Variants in TMEM150B observed in about 807,000 individuals in gnomAD.
The protein encoded by TMEM150B is transmembrane protein 150B.
A neutral mutation model predicts 25.2 loss-of-function variants in TMEM150B; 33 were observed. The ratio of observed to expected loss-of-function variants is 1.31; its 90% CI spans 0.99 to 1.75. The LOEUF (loss-of-function observed/expected upper bound fraction) is 1.75, where lower values mean the gene tolerates loss of function less well. Among genes scored for constraint, TMEM150B ranks in the 40% most tolerant of loss-of-function variants. The pLI is 0.00. For synonymous variants in TMEM150B, 133 were observed against 134.8 expected, an observed-to-expected ratio of 0.99 and a Z score of 0.09; for missense variants, 322 against 306.1, an observed-to-expected ratio of 1.05 and a Z score of -0.39.
At chr19:55,325,035 A>T (rs1005835439) in intron 1 of TMEM150B, among the ~76,000 whole-genome samples, 6 of 152,110 alleles carry the variant, frequency 3.9e-5, no homozygotes, top group Admixed American at 3.9e-4. Flanking sequence ...GCTGATTCCC[A>T]CTTCTCTTCC....
At position 55,319,433 on chromosome 19, in the gene TMEM150B, C is replaced by CCTT. The variant is rs2089122504; in HGVS notation, c.324+605_324+606insAAG. 7.0e-4 allele frequency: 33 copies of CCTT among 46,838 alleles called. 1 individual carries two copies. Among genetic ancestry groups the CCTT allele is most frequent in the Admixed American group, 7.0e-4 (2 of 2,876 alleles). 2.9% of individuals were successfully genotyped at this position (46,838 alleles called of 1,614,324 possible). ...CGGCCAGTAATTTCATCTTCTTCTT[C>CCTT]TTTTTTTTTTTTTTTTTTTTTTTTT... On this transcript the variant is annotated intron_variant, in intron 6 of 7. Coordinates refer to ENST00000326652, the MANE Select transcript of TMEM150B (RefSeq NM_001282011.2).
At chr19:55,315,213 G>C (rs2088955799) in intron 7 of TMEM150B, among the ~76,000 whole-genome samples, 1 of 152,086 alleles carries the variant, frequency 6.6e-6, no homozygotes, top group East Asian at 1.9e-4. Context: ...CTACTTGGGA[G>C]GCTGAGGCAC....
downstream of TMEM150B, chr19:55,312,022 C>G (rs201200452): frequency 6.6e-6 from 10 of 1,509,974 alleles, no homozygotes; most frequent in Non-Finnish European, 8.9e-6. Context: ...CGAGGCCCCC[C>G]CAAGGACAAG....
chr19:55,313,317 G>T (rs1009818709), intron 7 of TMEM150B, among the ~76,000 whole-genome samples: 15 of 152,016 alleles, frequency 9.9e-5, no homozygotes, highest in African/African-American at 3.6e-4. Flanking sequence ...AAATGTTTCT[G>T]TCTCCCTTCC....
chr19:55,312,255 C>T (rs2088818724), downstream of TMEM150B: 3 of 218,710 alleles, frequency 1.4e-5, no homozygotes, highest in African/African-American at 2.8e-5. Context: ...GAACAGGGGG[C>T]GGGGGAGCTG....
At chr19:55,309,939 T>C (rs2088745396), downstream of TMEM150B, among the ~76,000 whole-genome samples, 1 of 152,128 alleles carries the variant, frequency 6.6e-6, no homozygotes. Flanking sequence ...AGCATCAGCC[T>C]CACAGGACCC....
rs776897518 is a variant in TMEM150B, at chr19:55,320,971, G to T, written c.66C>A (p.Ile22=). The change falls in exon 3 of 8, where the codon ATC becomes ATA. Residue 22 remains isoleucine (I), a splice_region_variant and synonymous_variant. Transcript: ENST00000326652. The part of the protein sequence containing the change: ...LAVWAISGVW[I]VFAIAVTNRT... ...TCCATCATGCCTCTGACACTCACAC[G>T]ATCCAGACGCCAGAGATAGCCCAGA... The T allele has an allele frequency of 8.1e-6, 13 of 1,613,490 alleles. No individual in the cohort carries two copies. In the Admixed American group the frequency reaches 2.2e-4, roughly 27 times the overall value.
intron 2 of TMEM150B, 67 bp downstream of exon 2, chr19:55,322,581 G>T: frequency 1.3e-6 from 1 of 741,318 alleles, no homozygotes; most frequent in Non-Finnish European, 1.6e-6. Context: ...TGCTTGGGGA[G>T]TTTCTCCCTG....
intron 7 of TMEM150B, among the ~76,000 whole-genome samples, chr19:55,315,747 C>T (rs1312574254): frequency 1.6e-4 from 23 of 142,824 alleles, no homozygotes; most frequent in South Asian, 8.8e-4. Context: ...GGTGACAGAG[C>T]GAGACTCCGT....
At chr19:55,313,545 ATC>A (rs2088886976) in intron 7 of TMEM150B, among the ~76,000 whole-genome samples, 1 of 151,764 alleles carries the variant, frequency 6.6e-6, no homozygotes, top group African/African-American at 2.4e-5. Context: ...TCCCTGTAAA[ATC>A]TGTTTCTCTG....
intron 7 of TMEM150B, among the ~76,000 whole-genome samples, chr19:55,315,862 G>A (rs556759715): frequency 1.4e-4 from 22 of 152,256 alleles, no homozygotes; most frequent in African/African-American, 3.9e-4. Flanking sequence ...CCCGGGAGGC[G>A]GAGGTTGCAG....
intron 6 of TMEM150B, chr19:55,319,463 T>TGA: frequency 8.6e-6 from 1 of 116,640 alleles, no homozygotes; most frequent in African/African-American, 3.9e-5. Flanking sequence ...TTTTTTTTTT[T>TGA]GAGAGAAGTC....
Position 55,320,451 on chromosome 19 carries a change from C to A in TMEM150B, c.136G>T (p.Gly46Ter). 6.3e-7 allele frequency: 1 copy of A among 1,592,362 alleles called. No individual in the cohort carries two copies. The highest frequency in any genetic ancestry group is 1.7e-4 in the Middle Eastern group (1 of 5,926). ...ATGCAGCTCTGAGGGGGGAAGGATCCGCAGATGCTGGGGAAGACAAAGGGG... is the reference window on the plus strand; with the variant it reads ...ATGCAGCTCTGAGGGGGGAAGGATCAGCAGATGCTGGGGAAGACAAAGGGG... Reference protein sequence around the residue: ...SKGFPYISICGSFPPQSCIFS... With the variant: ...SKGFPYISIC The change falls in exon 5 of 8, where the codon GGA becomes TGA. Residue 46 changes from glycine (G) to a stop codon, truncating the protein, a stop_gained. Coordinates refer to ENST00000326652, the MANE Select transcript of TMEM150B (RefSeq NM_001282011.2). LOFTEE classifies it high-confidence loss of function.
chr19:55,309,755 G>A (rs2088739861), downstream of TMEM150B, among the ~76,000 whole-genome samples: 1 of 152,220 alleles, frequency 6.6e-6, no homozygotes, highest in Non-Finnish European at 1.5e-5. Context: ...GAGAGCATAA[G>A]GGGCACTCGC....
intron 7 of TMEM150B, among the ~76,000 whole-genome samples, chr19:55,314,827 C>A (rs1457893004): frequency 1.3e-5 from 2 of 152,202 alleles, no homozygotes; most frequent in Non-Finnish European, 2.9e-5. Flanking sequence ...GAAATACGAT[C>A]ACCATTTCCA....
At chr19:55,321,728 G>A (rs1358057790) in intron 2 of TMEM150B, among the ~76,000 whole-genome samples, 3 of 152,050 alleles carry the variant, frequency 2.0e-5, no homozygotes, top group Non-Finnish European at 4.4e-5. Flanking sequence ...CCAGAATTCC[G>A]GGGCCCCAGT....
rs7256064 is a variant in TMEM150B at position 55,321,756 on chromosome 19, T to C, written c.-57-663A>G. 9.0e-3 allele frequency among the ~76,000 whole-genome samples: 1,371 copies of C among 152,182 alleles called. 26 individuals are homozygous for C. The highest frequency in any genetic ancestry group is 0.031 in the African/African-American group (1,282 of 41,528). Reference sequence around the variant, plus strand: ...GCCCCAGTTCCTCCTAGAATACAGATATTCTTCTCCAGCTCCTGATGTCCA... The same window carrying C: ...GCCCCAGTTCCTCCTAGAATACAGACATTCTTCTCCAGCTCCTGATGTCCA... On this transcript the variant is annotated intron_variant, in intron 2 of 7. Transcript: ENST00000326652.
At chr19:55,311,796 A>C, downstream of TMEM150B, 4 of 1,086,580 alleles carry the variant, frequency 3.7e-6, no homozygotes, top group Non-Finnish European at 5.3e-6. Context: ...GATTGGAGCT[A>C]GAGCCTCGGG....
At chr19:55,324,777 C>G in intron 1 of TMEM150B, 3 of 985,496 alleles carry the variant, frequency 3.0e-6, no homozygotes, top group Non-Finnish European at 3.6e-6. Context: ...CTCTGGGTCT[C>G]GTCTTCCTCC....
Sources: gnomAD v4.1 joint callset for allele counts (sites outside exome capture counted in the v4.1 genomes callset) on GRCh38, gnomAD v4.1.1 for gene constraint, MANE v1.5 for transcripts, NCBI Gene and HGNC (gene_info 2026-07-23, HGNC 2026-07-21) for gene names.